Variants in SORBS2 observed in about 807,000 individuals in gnomAD.
The protein encoded by SORBS2 is sorbin and SH3 domain-containing protein 2.
In SORBS2, 46 loss-of-function variants were observed where a neutral mutation model predicts 97.7. That is an observed-to-expected ratio of 0.47 (90% CI 0.37 to 0.60). The LOEUF (loss-of-function observed/expected upper bound fraction) is 0.60, where lower values mean the gene tolerates loss of function less well. SORBS2 is among the 20% of genes least tolerant of loss of function. The pLI, the probability that SORBS2 is intolerant of heterozygous loss-of-function variation, is 0.00. For synonymous variants in SORBS2, 476 were observed against 473.4 expected (o/e 1.01, Z -0.07); for missense variants, 1,316 against 1,282.3 (o/e 1.03, Z -0.40).
intron 2 of SORBS2, 137 bp from the exon 6 acceptor site, chr4:185,678,959 T>C (rs2097834848): frequency 1.5e-5 from 7 of 454,908 alleles, no homozygotes; most frequent in Non-Finnish European, 2.7e-5. Flanking sequence ...ATGTCAAACA[T>C]GCCAAAGGGA....
At position 185,806,453 on chromosome 4, in the gene SORBS2, T is replaced by G. The variant is rs866288465; in HGVS notation, c.-337-31087A>C. On this transcript the variant is annotated intron_variant, in intron 1 of 20. Coordinates refer to the SORBS2 transcript ENST00000284776. ...AGAATCCTATTTTTTTTTTTTTTTT[T>G]TTTTTTTTTTTTTTTTTTTTTTGAG... Among the ~76,000 whole-genome samples, 157 of 63,868 alleles carry G rather than the reference T, an allele frequency of 2.5e-3. 26 individuals carry two copies. The highest frequency in any genetic ancestry group is 8.0e-3 in the African/African-American group (132 of 16,574). 41.9% of individuals were successfully genotyped at this position (63,868 alleles called of 152,430 possible). A position where few individuals can be genotyped will look rare whatever the true frequency, so the allele number is the denominator to read the frequency against.
chr4:185,713,195 C>T (rs1395652020), intron 2 of SORBS2, among the ~76,000 whole-genome samples: 1 of 152,166 alleles, frequency 6.6e-6, no homozygotes, highest in East Asian at 1.9e-4. Flanking sequence ...TCTAATGAGG[C>T]TGGCTACCTC....
At chr4:185,600,425 A>G (rs1442339879) in intron 12 of SORBS2, among the ~76,000 whole-genome samples, 2 of 152,100 alleles carry the variant, frequency 1.3e-5, no homozygotes, top group African/African-American at 2.4e-5. Flanking sequence ...TGCAACCTCC[A>G]TCTCCCGGGT....
intron 4 of SORBS2, among the ~76,000 whole-genome samples, chr4:185,639,878 G>A (rs1581582462): frequency 6.6e-6 from 1 of 152,092 alleles, no homozygotes; most frequent in African/African-American, 2.4e-5. Context: ...ACTGAATAGC[G>A]ACATCTTGGT....
intron 1 of SORBS2, chr4:185,932,958 A>G (rs2099267177): frequency 6.6e-6 from 1 of 152,242 alleles, no homozygotes; most frequent in Non-Finnish European, 1.5e-5. Context: ...ATTCTTCTTA[A>G]GCCTTCTGAT....
At position 185,877,883 on chromosome 4, in the gene SORBS2, A is replaced by AAAAAG. The variant is rs1344109012; in HGVS notation, c.-338+78312_-338+78313insCTTTT. Among the ~76,000 whole-genome samples, 110 of 145,264 alleles carry AAAAAG rather than the reference A, an allele frequency of 7.6e-4. 2 individuals are homozygous for AAAAAG. The highest frequency in any genetic ancestry group is 1.2e-3 in the Non-Finnish European group (82 of 66,506). On this transcript the variant is annotated intron_variant, in intron 1 of 20. Coordinates refer to the SORBS2 transcript ENST00000284776. ...AGACTCTGTCAAAAAACAAAAAAAAAAAAGAAAGAAAGAAGAAAGAAAAGA... is the reference window on the plus strand; with the variant it reads ...AGACTCTGTCAAAAAACAAAAAAAAAAAAAGAAAGAAAGAAAGAAGAAAGAAAAGA...
chr4:185,690,138 G>C (rs1371869730), intron 2 of SORBS2, among the ~76,000 whole-genome samples: 1 of 152,132 alleles, frequency 6.6e-6, no homozygotes, highest in Non-Finnish European at 1.5e-5. Flanking sequence ...AGCTGATTTT[G>C]TATAAAACTT....
intron 1 of SORBS2, among the ~76,000 whole-genome samples, chr4:185,848,385 A>G (rs969187465): frequency 3.3e-5 from 5 of 152,174 alleles, no homozygotes; most frequent in Admixed American, 2.0e-4. Context: ...CCTTTGTGAC[A>G]CACCATCTCA....
intron 2 of SORBS2, among the ~76,000 whole-genome samples, chr4:185,691,278 T>C (rs1234097736): frequency 6.6e-6 from 1 of 151,928 alleles, no homozygotes; most frequent in Non-Finnish European, 1.5e-5. Flanking sequence ...TAGTTCACTG[T>C]GGCCTTAATT....
chr4:185,872,610 A>T lies in SORBS2; in HGVS notation c.-338+83586T>A, dbSNP rs1043542277. Among the ~76,000 whole-genome samples, 3 of 152,368 alleles carry T rather than the reference A, an allele frequency of 2.0e-5. No individual in the cohort carries two copies. In the East Asian group the frequency reaches 5.8e-4, roughly 29 times the overall value. The stretch of plus-strand genomic sequence containing the variant: ...TAGACTCTCCATACCAAAAAAGGCC[A>T]CAAGAAATTGCTTATCTTTTATCTA... On this transcript the variant is annotated intron_variant, in intron 1 of 20. Coordinates refer to the SORBS2 transcript ENST00000284776.
At chr4:185,626,805 T>C (rs757409992) in intron 6 of SORBS2, 27 bp downstream of exon 18, 3 of 1,607,808 alleles carry the variant, frequency 1.9e-6, no homozygotes, top group Non-Finnish European at 2.6e-6. Context: ...ACTAGTAAAT[T>C]GTTGTGTTTT....
intron 1 of SORBS2, among the ~76,000 whole-genome samples, chr4:185,935,032 T>A (rs1339134947): frequency 6.6e-6 from 1 of 152,196 alleles, no homozygotes; most frequent in East Asian, 1.9e-4. Context: ...ATGTTCTGCC[T>A]TTCTGTTCCA....
At chr4:185,802,628 C>T (rs1187372775) in intron 1 of SORBS2, among the ~76,000 whole-genome samples, 1 of 152,212 alleles carries the variant, frequency 6.6e-6, no homozygotes, top group East Asian at 1.9e-4. Context: ...GAGAACTCAT[C>T]ATTGCCTGCT....
intron 1 of SORBS2, among the ~76,000 whole-genome samples, chr4:185,894,919 G>A (rs2099244279): frequency 1.3e-5 from 2 of 152,190 alleles, no homozygotes; most frequent in South Asian, 4.1e-4. Context: ...ATCACACGGG[G>A]AGCCAGTGAC....
intron 2 of SORBS2, among the ~76,000 whole-genome samples, chr4:185,767,226 C>A (rs1019725667): frequency 6.6e-6 from 1 of 151,804 alleles, no homozygotes; most frequent in Admixed American, 6.6e-5. Context: ...TGGCCGGGCG[C>A]GGTGGCTCAG....
intron 2 of SORBS2, among the ~76,000 whole-genome samples, chr4:185,749,211 G>C (rs1192371002): frequency 6.6e-6 from 1 of 152,196 alleles, no homozygotes; most frequent in Non-Finnish European, 1.5e-5. Context: ...GACAGGTGCA[G>C]GGACAGTCAG....
At chr4:185,924,936 T>C (rs2149938381) in intron 1 of SORBS2, among the ~76,000 whole-genome samples, 1 of 152,266 alleles carries the variant, frequency 6.6e-6, no homozygotes, top group East Asian at 1.9e-4. Flanking sequence ...ACCCTGGTGT[T>C]CCTCCAGTCA....
chr4:185,919,884 T>C (rs1324374965), intron 1 of SORBS2, among the ~76,000 whole-genome samples: 1 of 152,268 alleles, frequency 6.6e-6, no homozygotes, highest in Non-Finnish European at 1.5e-5. Flanking sequence ...TGCTCAATAA[T>C]ACATGGCAGA....
chr4:185,659,657 G>A (rs559281267), upstream of SORBS2, among the ~76,000 whole-genome samples: 1 of 151,584 alleles, frequency 6.6e-6, no homozygotes, highest in African/African-American at 2.4e-5. Context: ...TCCTGACCTC[G>A]TGATCCACCC....
Sources: gnomAD v4.1 joint callset for allele counts (sites outside exome capture counted in the v4.1 genomes callset) on GRCh38, gnomAD v4.1.1 for gene constraint, MANE v1.5 for transcripts, NCBI Gene and HGNC (gene_info 2026-07-23, HGNC 2026-07-21) for gene names.